The following LRRC4C variants were observed in gnomAD, a reference collection of about 807,000 sequenced individuals.
LRRC4C encodes leucine-rich repeat-containing protein 4C.
In LRRC4C, 5 loss-of-function variants were observed where a neutral mutation model predicts 33.6. The ratio of observed to expected loss-of-function variants is 0.15; its 90% CI spans 0.08 to 0.31. LRRC4C has a LOEUF of 0.31. Ranked by LOEUF, LRRC4C falls within the 10% of genes least tolerant of loss-of-function variation. LRRC4C has a pLI of 1.00. For missense variants in LRRC4C, 560 were observed against 796.7 expected, an observed-to-expected ratio of 0.70 and a Z score of 3.58; for synonymous variants, 329 against 302.0, an observed-to-expected ratio of 1.09 and a Z score of -0.93.
intron 1 of LRRC4C, among the ~76,000 whole-genome samples, chr11:41,279,241 G>T (rs1260593026): frequency 6.6e-6 from 1 of 152,020 alleles, no homozygotes; most frequent in African/African-American, 2.4e-5. Context: ...CCATGTGTTT[G>T]CTATAGTGAC....
chr11:41,363,874 T>C (rs966158423), intron 1 of LRRC4C, among the ~76,000 whole-genome samples: 3 of 152,320 alleles, frequency 2.0e-5, no homozygotes, highest in African/African-American at 7.2e-5. Flanking sequence ...TCAGTTAAAT[T>C]GTAGTCACTT....
intron 3 of LRRC4C, among the ~76,000 whole-genome samples, chr11:40,582,542 A>G (rs991175280): frequency 2.2e-5 from 3 of 138,162 alleles, no homozygotes; most frequent in African/African-American, 5.5e-5. Flanking sequence ...TTTTAATGGA[A>G]TGTCACGCTT....
intron 1 of LRRC4C, among the ~76,000 whole-genome samples, chr11:40,943,365 T>C (rs1958244362): frequency 1.3e-5 from 2 of 152,198 alleles, no homozygotes; most frequent in African/African-American, 2.4e-5. Flanking sequence ...TCTCAGCTGC[T>C]TGACTTCAAA....
In LRRC4C at chr11:40,403,046, G is replaced by T. The variant is rs947195027; in HGVS notation, c.-269-83325C>A. Among the ~76,000 whole-genome samples the T allele has an allele frequency of 3.3e-5, 5 of 151,934 alleles. 1 individual carries two copies. Among genetic ancestry groups the T allele is most frequent in the Middle Eastern group, 6.3e-3 (2 of 316 alleles). ...TTTATTTTTGATGAAATTGAACTTG[G>T]GTATGAGTTATAATTTGTATGGCCT... On this transcript the variant is annotated intron_variant, in intron 3 of 6. Coordinates refer to ENST00000528697, the MANE Select transcript of LRRC4C (RefSeq NM_001258419.2).
chr11:40,235,637 A>C (rs574318504), intron 5 of LRRC4C, among the ~76,000 whole-genome samples: 10 of 152,064 alleles, frequency 6.6e-5, no homozygotes, highest in Non-Finnish European at 1.3e-4. Context: ...TGTTTTCACT[A>C]TAAGAAAAAC....
At chr11:40,954,178 C>T (rs992689972) in intron 1 of LRRC4C, among the ~76,000 whole-genome samples, 2 of 151,786 alleles carry the variant, frequency 1.3e-5, no homozygotes, top group East Asian at 1.9e-4. Context: ...ACTATGCATC[C>T]GCTGGCACCA....
chr11:40,238,365 A>C (rs1269353462), intron 5 of LRRC4C, among the ~76,000 whole-genome samples: 1 of 152,148 alleles, frequency 6.6e-6, no homozygotes, highest in Non-Finnish European at 1.5e-5. Flanking sequence ...CAATTGGATA[A>C]TGGCTAATGT....
At chr11:40,914,783 A>T (rs567936693) in intron 2 of LRRC4C, among the ~76,000 whole-genome samples, 2 of 152,270 alleles carry the variant, frequency 1.3e-5, no homozygotes, top group Admixed American at 1.3e-4. Flanking sequence ...TGACATGATT[A>T]TGTATCTAGA....
At chr11:40,964,542 C>G (rs1487306121) in intron 1 of LRRC4C, among the ~76,000 whole-genome samples, 1 of 133,078 alleles carries the variant, frequency 7.5e-6, no homozygotes, top group African/African-American at 2.8e-5. Context: ...CACAATAGTC[C>G]TCAGTGTGTG....
At chr11:40,539,710 G>A (rs1319964030) in intron 3 of LRRC4C, among the ~76,000 whole-genome samples, 1 of 152,044 alleles carries the variant, frequency 6.6e-6, no homozygotes, top group Non-Finnish European at 1.5e-5. Context: ...TCATTGGTTT[G>A]TAATCTGGTA....
At chr11:41,293,955 AAC>A (rs915956899) in intron 1 of LRRC4C, among the ~76,000 whole-genome samples, 5 of 152,112 alleles carry the variant, frequency 3.3e-5, no homozygotes, top group South Asian at 2.1e-4. Context: ...CACACAAAGA[AAC>A]ACACACACAG....
intron 3 of LRRC4C, among the ~76,000 whole-genome samples, chr11:40,587,803 G>C (rs1255461092): frequency 1.3e-5 from 2 of 152,134 alleles, no homozygotes; most frequent in East Asian, 3.8e-4. Flanking sequence ...TATTGAACCA[G>C]CCTTGCATCC....
At chr11:40,944,526 G>T (rs1249372952) in intron 1 of LRRC4C, among the ~76,000 whole-genome samples, 1 of 152,172 alleles carries the variant, frequency 6.6e-6, no homozygotes, top group Non-Finnish European at 1.5e-5. Flanking sequence ...TTATTAACAA[G>T]TCTACTCTGG....
intron 3 of LRRC4C, among the ~76,000 whole-genome samples, chr11:40,508,414 C>T (rs1054281139): frequency 6.6e-6 from 1 of 151,930 alleles, no homozygotes; most frequent in Non-Finnish European, 1.5e-5. Context: ...TAGAACATAG[C>T]ATTTATAATG....
Position 40,367,601 on chromosome 11 carries a change from A to G in LRRC4C, c.-269-47880T>C, listed in dbSNP as rs947543744. On this transcript the variant is annotated intron_variant, in intron 3 of 6. Transcript: ENST00000528697. ...ATGAAAAGGGAAGGTAGAAACCAACATATCGTATATAGAATTCTTTGGGTG... is the reference window on the plus strand; with the variant it reads ...ATGAAAAGGGAAGGTAGAAACCAACGTATCGTATATAGAATTCTTTGGGTG... 9.9e-5 allele frequency among the ~76,000 whole-genome samples: 15 copies of G among 152,198 alleles called. No homozygotes were observed. In the East Asian group the frequency reaches 1.7e-3, roughly 18 times the overall value.
chr11:41,167,633 T>C (rs924805278), intron 1 of LRRC4C, among the ~76,000 whole-genome samples: 2 of 152,134 alleles, frequency 1.3e-5, no homozygotes, highest in Admixed American at 1.3e-4. Flanking sequence ...TTAACAGTAC[T>C]AATAAAACTA....
chr11:40,921,128 G>A (rs1046685489), intron 2 of LRRC4C, among the ~76,000 whole-genome samples: 1 of 151,930 alleles, frequency 6.6e-6, no homozygotes, highest in Non-Finnish European at 1.5e-5. Context: ...TCGCTATGTT[G>A]TCAGGACTGG....
chr11:41,264,284 G>T (rs573526522), intron 1 of LRRC4C, among the ~76,000 whole-genome samples: 173 of 151,816 alleles, frequency 1.1e-3, no homozygotes, highest in Non-Finnish European at 2.0e-3. Context: ...TAGAGATGGG[G>T]TTTCACCATG....
chr11:40,988,740 A>G (rs1223272606), intron 1 of LRRC4C, among the ~76,000 whole-genome samples: 1 of 123,700 alleles, frequency 8.1e-6, no homozygotes, highest in African/African-American at 3.1e-5. Flanking sequence ...TTTTTGAGAC[A>G]GAGTGTCGTT....
Sources: allele counts gnomAD v4.1 joint callset (sites outside exome capture counted in the v4.1 genomes callset), GRCh38; gene constraint gnomAD v4.1.1; transcripts MANE v1.5; gene names NCBI Gene and HGNC (gene_info 2026-07-23, HGNC 2026-07-21).